RAB3C: variants seen among roughly 807,000 people sequenced by gnomAD.
RAB3C encodes the protein RAB3C, member RAS oncogene family, also known as ras-related protein Rab-3C.
Under a neutral mutation model 26.4 loss-of-function variants are expected in RAB3C, and 17 were observed. The observed-to-expected ratio is 0.64, with a 90% CI of 0.44 to 0.97. The LOEUF (loss-of-function observed/expected upper bound fraction) is 0.97. RAB3C is among the 50% of genes least tolerant of loss of function. The pLI, the probability that RAB3C is intolerant of heterozygous loss-of-function variation, is 0.00. For missense variants in RAB3C, 242 were observed against 281.9 expected, an observed-to-expected ratio of 0.86 and a Z score of 1.01; for synonymous variants, 91 against 95.9, an observed-to-expected ratio of 0.95 and a Z score of 0.30.
At chr5:58,622,236 A>T (rs1746955126) in intron 2 of RAB3C, among the ~76,000 whole-genome samples, 1 of 151,952 alleles carries the variant, frequency 6.6e-6, no homozygotes, top group African/African-American at 2.4e-5. Context: ...GGGCAGGTGG[A>T]TAGTGGCCCA....
At chr5:58,593,331 G>C (rs1051036809) in intron 1 of RAB3C, among the ~76,000 whole-genome samples, 4 of 152,062 alleles carry the variant, frequency 2.6e-5, no homozygotes, top group African/African-American at 9.7e-5. Flanking sequence ...TATTGAAAGA[G>C]GTTAATAAGA....
chr5:58,777,252 G>A lies in RAB3C; in HGVS notation c.372-47786G>A, dbSNP rs112356843. ...GTCCAAGTTTGCCCAAGCCAGCTCT[G>A]GCCTTTTCAGTTCTCTCCTTCAATC... On this transcript the variant is annotated intron_variant, in intron 3 of 4. Transcript: ENST00000282878. 8.8e-3 allele frequency among the ~76,000 whole-genome samples: 1,343 copies of A among 152,138 alleles called. 22 individuals carry two copies. Among genetic ancestry groups the A allele is most frequent in the African/African-American group, 0.031 (1,279 of 41,526 alleles).
At chr5:58,781,722 T>A (rs1742274638) in intron 3 of RAB3C, among the ~76,000 whole-genome samples, 1 of 152,018 alleles carries the variant, frequency 6.6e-6, no homozygotes, top group Admixed American at 6.6e-5. Context: ...GAGCTCCCTA[T>A]AATCTGGACT....
chr5:58,606,127 G>C (rs1200863161), intron 1 of RAB3C, among the ~76,000 whole-genome samples: 1 of 152,146 alleles, frequency 6.6e-6, no homozygotes, highest in African/African-American at 2.4e-5. Flanking sequence ...AAGGGGTCAG[G>C]GATTTCCCTT....
intron 3 of RAB3C, among the ~76,000 whole-genome samples, chr5:58,749,677 G>A (rs1741480695): frequency 6.6e-6 from 1 of 152,138 alleles, no homozygotes; most frequent in African/African-American, 2.4e-5. Flanking sequence ...TAATATAAAT[G>A]TAATGGTTTG....
intron 2 of RAB3C, among the ~76,000 whole-genome samples, chr5:58,686,878 G>A (rs2111851050): frequency 6.6e-6 from 1 of 152,180 alleles, no homozygotes; most frequent in East Asian, 1.9e-4. Context: ...TCCCTTGGAG[G>A]AGGGTAGAAG....
At chr5:58,746,392 G>A (rs1034272230) in intron 3 of RAB3C, among the ~76,000 whole-genome samples, 2 of 152,194 alleles carry the variant, frequency 1.3e-5, no homozygotes, top group Admixed American at 1.3e-4. Context: ...AGGGGAGAGA[G>A]AATGGGTGAT....
chr5:58,749,305 T>C (rs1741471302), intron 3 of RAB3C, among the ~76,000 whole-genome samples: 1 of 152,236 alleles, frequency 6.6e-6, no homozygotes, highest in African/African-American at 2.4e-5. Flanking sequence ...TAAAAAAATT[T>C]CAATGTGGTT....
intron 3 of RAB3C, among the ~76,000 whole-genome samples, chr5:58,732,569 G>A (rs1741050188): frequency 6.6e-6 from 1 of 152,102 alleles, no homozygotes. Context: ...GAGTGGCTGG[G>A]CAAATATAAT....
intron 1 of RAB3C, among the ~76,000 whole-genome samples, chr5:58,596,667 A>G (rs56893652): frequency 0.11 from 4,698 of 43,494 alleles, 376 homozygotes; most frequent in South Asian, 0.16. Context: ...ATAATATATT[A>G]TATATAAATA....
chr5:58,665,645 A>G (rs1747987304), intron 2 of RAB3C, among the ~76,000 whole-genome samples: 1 of 152,122 alleles, frequency 6.6e-6, no homozygotes, highest in African/African-American at 2.4e-5. Context: ...TAACTCCTTG[A>G]TGGACACTTG....
chr5:58,689,413 T>A (rs949338323), intron 2 of RAB3C: 3 of 152,174 alleles, frequency 2.0e-5, no homozygotes, highest in Non-Finnish European at 4.4e-5. Flanking sequence ...GTTATGTAGA[T>A]GTCTATTTTG....
intron 2 of RAB3C, among the ~76,000 whole-genome samples, chr5:58,653,328 G>A (rs558711031): frequency 5.3e-5 from 8 of 152,184 alleles, no homozygotes; most frequent in Non-Finnish European, 1.0e-4. Context: ...GGAAAAATAG[G>A]AATGCTTTTA....
At chr5:58,726,835 C>T (rs1740901335) in intron 3 of RAB3C, among the ~76,000 whole-genome samples, 1 of 151,924 alleles carries the variant, frequency 6.6e-6, no homozygotes, top group African/African-American at 2.4e-5. Context: ...GCTACAGTAT[C>T]CTTCATTCTA....
chr5:58,820,931 C>T (rs1743326082), intron 3 of RAB3C, among the ~76,000 whole-genome samples: 1 of 152,118 alleles, frequency 6.6e-6, no homozygotes, highest in Non-Finnish European at 1.5e-5. Flanking sequence ...CTGAGATACT[C>T]GGATGTGTTT....
chr5:58,658,379 G>A (rs1747824032), intron 2 of RAB3C, among the ~76,000 whole-genome samples: 1 of 152,116 alleles, frequency 6.6e-6, no homozygotes, highest in African/African-American at 2.4e-5. Context: ...CTGAGACGAT[G>A]GGGTTTTCTA....
intron 2 of RAB3C, among the ~76,000 whole-genome samples, chr5:58,680,055 C>T (rs1281963135): frequency 6.6e-6 from 1 of 152,010 alleles, no homozygotes; most frequent in African/African-American, 2.4e-5. Context: ...CTGAAATAAA[C>T]AGGGAAATTA....
intron 4 of RAB3C, among the ~76,000 whole-genome samples, chr5:58,833,682 A>G (rs796652629): frequency 8.5e-5 from 13 of 152,360 alleles, no homozygotes; most frequent in African/African-American, 2.9e-4. Flanking sequence ...GTCAGAGAGT[A>G]GAGAGTCAGG....
chr5:58,601,687 A>G (rs1746461352), intron 1 of RAB3C, among the ~76,000 whole-genome samples: 1 of 152,100 alleles, frequency 6.6e-6, no homozygotes, highest in African/African-American at 2.4e-5. Flanking sequence ...TGTCAGCTGT[A>G]ATATCACCTG....
Sources: gnomAD v4.1 joint callset for allele counts (sites outside exome capture counted in the v4.1 genomes callset) on GRCh38, gnomAD v4.1.1 for gene constraint, MANE v1.5 for transcripts, NCBI Gene and HGNC (gene_info 2026-07-23, HGNC 2026-07-21) for gene names.